DOK5: variants seen among roughly 807,000 people sequenced by gnomAD.
DOK5 encodes downstream of tyrosine kinase 5.
In DOK5, 27 loss-of-function variants were observed where a neutral mutation model predicts 43.3. The ratio of observed to expected loss-of-function variants is 0.62; its 90% CI spans 0.46 to 0.86. DOK5 has a LOEUF of 0.86. Ranked by LOEUF, DOK5 falls within the 40% of genes least tolerant of loss-of-function variation. The probability of loss-of-function intolerance (pLI) is 0.00; values close to 1 mark genes in which losing one functional copy is unlikely to be tolerated. For synonymous variants in DOK5, 146 were observed against 140.1 expected, an observed-to-expected ratio of 1.04 and a Z score of -0.30; for missense variants, 373 against 392.9, an observed-to-expected ratio of 0.95 and a Z score of 0.43.
At chr20:54,531,861 G>C (rs747016310) in intron 1 of DOK5, among the ~76,000 whole-genome samples, 12 of 152,168 alleles carry the variant, frequency 7.9e-5, no homozygotes, top group South Asian at 4.1e-4. Flanking sequence ...CATAAAGCAG[G>C]CTCTGCCCCT....
At chr20:54,565,305 T>C (rs1475402571) in intron 2 of DOK5, among the ~76,000 whole-genome samples, 1 of 152,208 alleles carries the variant, frequency 6.6e-6, no homozygotes, top group Non-Finnish European at 1.5e-5. Flanking sequence ...AACAATATAC[T>C]GTAATAAAAG....
intron 5 of DOK5, among the ~76,000 whole-genome samples, chr20:54,605,024 T>C (rs11698077): frequency 0.36 from 46,618 of 130,964 alleles, 11,249 homozygotes; most frequent in African/African-American, 0.72. Context: ...TATATATATA[T>C]ACACACACAC....
intron 1 of DOK5, among the ~76,000 whole-genome samples, chr20:54,539,479 A>C (rs908425190): frequency 6.6e-6 from 1 of 152,092 alleles, no homozygotes; most frequent in Admixed American, 6.6e-5. Flanking sequence ...TTTCCCTTAG[A>C]AGAAACTGAG....
intron 2 of DOK5, among the ~76,000 whole-genome samples, chr20:54,572,758 C>T (rs113176810): frequency 1.3e-5 from 2 of 152,174 alleles, no homozygotes; most frequent in African/African-American, 4.8e-5. Context: ...TTGTATGCTT[C>T]TGTTGCACTT....
chr20:54,605,009 AAAAATATATAT>A (rs1302121404), intron 5 of DOK5, among the ~76,000 whole-genome samples: 3 of 131,742 alleles, frequency 2.3e-5, no homozygotes, highest in African/African-American at 3.6e-5. Context: ...CTCAAAAAAA[AAAAATATATAT>A]ATATACACAC....
intron 1 of DOK5, among the ~76,000 whole-genome samples, chr20:54,542,741 G>T (rs1431487722): frequency 6.6e-6 from 1 of 152,214 alleles, no homozygotes; most frequent in Non-Finnish European, 1.5e-5. Context: ...ACATAGGGAG[G>T]TGCCAGTTCT....
intron 2 of DOK5, 113 bp from the exon 3 acceptor site, chr20:54,588,370 A>G (rs1409477877): frequency 1.3e-5 from 10 of 786,444 alleles, no homozygotes; most frequent in African/African-American, 8.7e-5. Flanking sequence ...CTTTTTCAAC[A>G]GGTTGTGCTC....
chr20:54,507,116 T>C (rs1445457758), intron 1 of DOK5, among the ~76,000 whole-genome samples: 3 of 152,184 alleles, frequency 2.0e-5, no homozygotes, highest in African/African-American at 7.2e-5. Flanking sequence ...ATTTTTTGAG[T>C]ACTTATTACC....
intron 6 of DOK5, among the ~76,000 whole-genome samples, chr20:54,618,126 A>G (rs1986870466): frequency 6.6e-6 from 1 of 152,164 alleles, no homozygotes; most frequent in African/African-American, 2.4e-5. Flanking sequence ...CCTGACCTGG[A>G]AGGAATCACT....
In DOK5 at chr20:54,588,700, T is replaced by C. The variant is rs1985886889; in HGVS notation, c.303T>C (p.Asp101=). ...TFACESDLEA[D]EWCKVLQMEC... is the part of the protein sequence containing the mutation. ...ACATTTCCACAGATCTTGAGGCTGA[T>C]GAGTGGTGCAAAGTACTCCAGATGG... The change falls in exon 4 of 8, where the codon GAT becomes GAC. Residue 101 remains aspartate, a synonymous_variant. Coordinates refer to ENST00000262593, the MANE Select transcript of DOK5 (RefSeq NM_018431.5). The C allele has an allele frequency of 1.9e-6, 3 of 1,614,000 alleles. No homozygotes were observed. The South Asian group carries it at 3.3e-5, about 18-fold the overall frequency.
chr20:54,503,056 A>G (rs959000171), intron 1 of DOK5, among the ~76,000 whole-genome samples: 3 of 152,166 alleles, frequency 2.0e-5, no homozygotes, highest in East Asian at 3.9e-4. Flanking sequence ...GTAAGACTGT[A>G]TATTTGTATT....
intron 5 of DOK5, among the ~76,000 whole-genome samples, chr20:54,608,664 CTTCTT>C (rs1284434279): frequency 8.0e-5 from 11 of 137,048 alleles, no homozygotes; most frequent in African/African-American, 3.1e-4. Flanking sequence ...ATTTCTTCTT[CTTCTT>C]TTTTTTTTTT....
intron 2 of DOK5, among the ~76,000 whole-genome samples, chr20:54,567,616 T>C (rs1985140990): frequency 1.3e-5 from 2 of 152,100 alleles, no homozygotes; most frequent in African/African-American, 4.8e-5. Flanking sequence ...TTGGGTAGAG[T>C]GATTCATTTC....
intron 1 of DOK5, chr20:54,494,711 C>T (rs925518537): frequency 6.6e-6 from 1 of 152,144 alleles, no homozygotes; most frequent in African/African-American, 2.4e-5. Context: ...CCACTCTCCT[C>T]AGTAGATTCA....
intron 2 of DOK5, among the ~76,000 whole-genome samples, chr20:54,569,013 G>A (rs1390683199): frequency 7.0e-6 from 1 of 141,886 alleles, no homozygotes; most frequent in East Asian, 2.1e-4. Context: ...AAATTCTGAT[G>A]TTGGACCCTA....
chr20:54,496,835 G>A (rs1982423293), intron 1 of DOK5, among the ~76,000 whole-genome samples: 2 of 150,756 alleles, frequency 1.3e-5, no homozygotes, highest in African/African-American at 4.9e-5. Flanking sequence ...AGAGAGATTC[G>A]ATATTAACTT....
In DOK5 at chr20:54,591,694, A is replaced by T; in HGVS notation, c.488A>T (p.Tyr163Phe). 1 of 1,614,114 alleles carries T rather than the reference A, an allele frequency of 6.2e-7. No homozygotes were observed. Among genetic ancestry groups the T allele is most frequent in the Non-Finnish European group, 8.5e-7 (1 of 1,179,962 alleles). ...TGTGCCTTGCAGATTACATATGAGTATATCTGTCTTTGGGACGTCCAGAAT... is the reference window on the plus strand; with the variant it reads ...TGTGCCTTGCAGATTACATATGAGTTTATCTGTCTTTGGGACGTCCAGAAT... ...GECALQITYE[Y>F]ICLWDVQNPR... The change falls in exon 5 of 8, where the codon TAT (tyrosine) becomes TTT (phenylalanine). Residue 163 changes from tyrosine to phenylalanine, a missense_variant. By Grantham distance (22) the Tyr-to-Phe change is conservative. Coordinates refer to ENST00000262593, the MANE Select transcript of DOK5 (RefSeq NM_018431.5).
At chr20:54,574,095 G>A (rs1985380552) in intron 2 of DOK5, among the ~76,000 whole-genome samples, 1 of 152,164 alleles carries the variant, frequency 6.6e-6, no homozygotes, top group South Asian at 2.1e-4. Context: ...CAGGAAAGGC[G>A]AGCCGGACCG....
chr20:54,630,845 G>A (rs1978529996), intron 6 of DOK5, among the ~76,000 whole-genome samples: 2 of 152,208 alleles, frequency 1.3e-5, no homozygotes, highest in Admixed American at 1.3e-4. Context: ...ATTGTAATAT[G>A]CAAATTAAAA....
Sources: allele counts gnomAD v4.1 joint callset (sites outside exome capture counted in the v4.1 genomes callset), GRCh38; gene constraint gnomAD v4.1.1; transcripts MANE v1.5; gene names NCBI Gene and HGNC (gene_info 2026-07-23, HGNC 2026-07-21).